The following SERPINI2 variants were observed in gnomAD, a reference collection of about 807,000 sequenced individuals.
The protein encoded by SERPINI2 is serpin family I member 2.
Under a neutral mutation model 47.3 loss-of-function variants are expected in SERPINI2, and 48 were observed. The ratio of observed to expected loss-of-function variants is 1.02; its 90% CI spans 0.81 to 1.29. The LOEUF is 1.29. SERPINI2 is among the 50% of genes most tolerant of loss of function. The pLI, the probability that SERPINI2 is intolerant of heterozygous loss-of-function variation, is 0.00. For synonymous variants in SERPINI2, 135 were observed against 149.3 expected (o/e 0.90, Z 0.70); for missense variants, 448 against 456.9 (o/e 0.98, Z 0.18).
At chr3:167,476,647 G>GA (rs547340871), upstream of SERPINI2, among the ~76,000 whole-genome samples, 177 of 152,102 alleles carry the variant, frequency 1.2e-3, no homozygotes, top group South Asian at 0.012. Flanking sequence ...AATTAGACTG[G>GA]AAAAAATATG....
At chr3:167,471,882 T>G (rs17246424) in intron 1 of SERPINI2, 38 bp from the exon 2 acceptor site, 5 of 1,524,640 alleles carry the variant, frequency 3.3e-6, no homozygotes, top group Non-Finnish European at 4.5e-6. Context: ...ATTTTCAAAA[T>G]AGAGTTTTCC....
chr3:167,464,472 A>T (rs1365007820), intron 5 of SERPINI2, among the ~76,000 whole-genome samples: 3 of 151,642 alleles, frequency 2.0e-5, no homozygotes, highest in Non-Finnish European at 4.4e-5. Flanking sequence ...AAAAACCAAG[A>T]GGTTTAAGAG....
chr3:167,449,092 T>C (rs1422495361), intron 7 of SERPINI2, among the ~76,000 whole-genome samples: 1 of 152,214 alleles, frequency 6.6e-6, no homozygotes, highest in Non-Finnish European at 1.5e-5. Context: ...TATCAGTAGA[T>C]AGGTCTCAAC....
intron 7 of SERPINI2, among the ~76,000 whole-genome samples, chr3:167,447,467 A>G (rs9809395): frequency 0.19 from 29,048 of 152,064 alleles, 4,116 homozygotes; most frequent in African/African-American, 0.39. Flanking sequence ...AAATACCCAG[A>G]CTGACTATTC....
chr3:167,445,298 G>T (rs1749440712), intron 8 of SERPINI2, among the ~76,000 whole-genome samples: 1 of 152,088 alleles, frequency 6.6e-6, no homozygotes, highest in African/African-American at 2.4e-5. Context: ...CCCTGTAAAT[G>T]ACTTTAAACT....
chr3:167,442,014 CATAAG>C, exon 9 of SERPINI2: 1 of 908,164 alleles, frequency 1.1e-6, no homozygotes, highest in Non-Finnish European at 1.6e-6. Flanking sequence ...ACAGAAAAGA[CATAAG>C]ATATAGAGCA....
At chr3:167,453,001 T>A in exon 6 of SERPINI2, 2 of 1,601,998 alleles carry the variant, frequency 1.2e-6, no homozygotes, top group Non-Finnish European at 1.7e-6. Flanking sequence ...ATACAAAACG[T>A]CTTTGAAGTC....
intron 5 of SERPINI2, among the ~76,000 whole-genome samples, chr3:167,453,668 G>C (rs1159496811): frequency 0.052 from 7,709 of 147,848 alleles, 660 homozygotes; most frequent in African/African-American, 0.18. Flanking sequence ...GGGGGGGGTG[G>C]GCAAAAAAAA....
intron 1 of SERPINI2, among the ~76,000 whole-genome samples, chr3:167,473,308 T>A (rs1030812763): frequency 6.6e-6 from 1 of 151,856 alleles, no homozygotes; most frequent in East Asian, 1.9e-4. Context: ...ATTTAGCATA[T>A]GAGCTTATAA....
rs774207249 is a variant in SERPINI2, at chr3:167,465,528, ACC to A, written c.622_623del (p.Gly208PhefsTer21). On this transcript the variant is annotated frameshift_variant, in exon 4 of 9. Transcript: ENST00000264677. LOFTEE classifies it high-confidence loss of function. ...TCATCATTGGAATTTTGACAGTTGAACCATTTTTCTTAGTAAAATTTATCAGC... is the reference window on the plus strand; with the variant it reads ...TCATCATTGGAATTTTGACAGTTGAAATTTTTCTTAGTAAAATTTATCAGC... The A allele has an allele frequency of 5.5e-4, 884 of 1,613,746 alleles. No homozygotes were observed. Among genetic ancestry groups the A allele is most frequent in the Non-Finnish European group, 6.9e-4 (813 of 1,179,898 alleles).
chr3:167,447,346 T>C (rs1158820040), intron 7 of SERPINI2, among the ~76,000 whole-genome samples: 1 of 152,202 alleles, frequency 6.6e-6, no homozygotes, highest in Non-Finnish European at 1.5e-5. Context: ...CATGTCTGAA[T>C]TACTACGATA....
Position 167,465,784 on chromosome 3 carries a change from G to A in SERPINI2, c.479-111C>T, listed in dbSNP as rs554684120. On this transcript the variant is annotated intron_variant, in intron 3 of 8. Transcript: ENST00000264677. Reference sequence around the variant, plus strand: ...GTCTTTTGCAGATCAGTTTTGGATAGGGCATGTTATCATCTAAATATGGTA... The same window carrying A: ...GTCTTTTGCAGATCAGTTTTGGATAAGGCATGTTATCATCTAAATATGGTA... 147 of 811,920 alleles carry A rather than the reference G, an allele frequency of 1.8e-4. 2 individuals are homozygous for A. In the South Asian group the frequency reaches 2.3e-3, roughly 13 times the overall value. The allele number at this position is 811,920 out of a possible 1,614,324, so 50.3% of individuals were successfully genotyped here.
At chr3:167,452,368 G>A (rs1355096936) in intron 6 of SERPINI2, among the ~76,000 whole-genome samples, 3 of 152,110 alleles carry the variant, frequency 2.0e-5, no homozygotes, top group African/African-American at 7.2e-5. Context: ...ACAAGTGAAC[G>A]TGTTAACCAT....
At chr3:167,448,758 G>A (rs1343689900) in intron 7 of SERPINI2, among the ~76,000 whole-genome samples, 2 of 151,996 alleles carry the variant, frequency 1.3e-5, no homozygotes, top group Non-Finnish European at 2.9e-5. Context: ...TCCTGACCTC[G>A]TGATCCACCC....
At chr3:167,449,744 T>A (rs1749593192) in intron 6 of SERPINI2, among the ~76,000 whole-genome samples, 1 of 152,138 alleles carries the variant, frequency 6.6e-6, no homozygotes, top group East Asian at 1.9e-4. Flanking sequence ...CCACCCGCCT[T>A]GGCCTCCCAA....
At chr3:167,459,078 G>GTTTTTTTTTTTTTTTTTTTTT (rs536122299) in intron 5 of SERPINI2, among the ~76,000 whole-genome samples, 4 of 139,030 alleles carry the variant, frequency 2.9e-5, no homozygotes, top group African/African-American at 8.0e-5. Flanking sequence ...GTTTTTTTTT[G>GTTTTTTTTTTTTTTTTTTTTT]TTTTTTTTTT....
intron 8 of SERPINI2, among the ~76,000 whole-genome samples, chr3:167,444,584 T>C (rs535809746): frequency 6.6e-6 from 1 of 152,146 alleles, no homozygotes; most frequent in African/African-American, 2.4e-5. Context: ...GAGAGAAAAA[T>C]TGATAAATCA....
intron 5 of SERPINI2, among the ~76,000 whole-genome samples, chr3:167,458,976 A>T (rs1232942332): frequency 6.6e-6 from 1 of 152,162 alleles, no homozygotes; most frequent in Non-Finnish European, 1.5e-5. Context: ...CCATACACAC[A>T]GTTTTTATAC....
intron 5 of SERPINI2, among the ~76,000 whole-genome samples, chr3:167,463,843 A>T (rs1421421635): frequency 6.6e-6 from 1 of 151,826 alleles, no homozygotes; most frequent in Non-Finnish European, 1.5e-5. Context: ...TGAAGGAGAG[A>T]AGTAATGTCC....
Sources: allele counts gnomAD v4.1 joint callset (sites outside exome capture counted in the v4.1 genomes callset), GRCh38; gene constraint gnomAD v4.1.1; transcripts MANE v1.5; gene names NCBI Gene and HGNC (gene_info 2026-07-23, HGNC 2026-07-21).